Variants in RARB observed in about 807,000 individuals in gnomAD.
RARB encodes the protein retinoic acid receptor beta.
A neutral mutation model predicts 51.9 loss-of-function variants in RARB; 17 were observed. The observed-to-expected ratio is 0.33, with a 90% CI of 0.22 to 0.49. The LOEUF is 0.49. Among genes scored for constraint, RARB ranks in the 20% least tolerant of loss-of-function variants. The probability of loss-of-function intolerance (pLI) is 0.99; values close to 1 mark genes in which losing one functional copy is unlikely to be tolerated. For synonymous variants in RARB, 215 were observed against 195.4 expected (o/e 1.10, Z -0.84); for missense variants, 369 against 550.8 (o/e 0.67, Z 3.30).
chr3:24,937,813 G>A (rs552913188), intron 2 of RARB, among the ~76,000 whole-genome samples: 2 of 152,156 alleles, frequency 1.3e-5, no homozygotes, highest in East Asian at 3.9e-4. Context: ...AAAAAATGGG[G>A]CGACACTTTA....
At chr3:24,976,402 C>T (rs926688495) in intron 2 of RARB, among the ~76,000 whole-genome samples, 8 of 152,178 alleles carry the variant, frequency 5.3e-5, no homozygotes, top group Admixed American at 2.0e-4. Flanking sequence ...TAAAAGCATT[C>T]CTGTTTCTCC....
At chr3:25,212,969 A>G (rs1575225005) in intron 5 of RARB, among the ~76,000 whole-genome samples, 1 of 152,160 alleles carries the variant, frequency 6.6e-6, no homozygotes, top group South Asian at 2.1e-4. Flanking sequence ...GCGGCACGTA[A>G]TGTTCTCATA....
intron 5 of RARB, among the ~76,000 whole-genome samples, chr3:25,256,208 C>T (rs1702861411): frequency 6.6e-6 from 1 of 152,134 alleles, no homozygotes; most frequent in Non-Finnish European, 1.5e-5. Context: ...GTTATAGAAG[C>T]AGATGAACCA....
chr3:25,191,590 T>C (rs17578294), intron 5 of RARB, among the ~76,000 whole-genome samples: 13,738 of 152,166 alleles, frequency 0.09, 761 homozygotes, highest in Non-Finnish European at 0.13. Context: ...AAGATCCATA[T>C]TGAGCTTTTA....
intron 5 of RARB, among the ~76,000 whole-genome samples, chr3:25,332,449 G>C (rs1044626702): frequency 6.6e-6 from 1 of 152,200 alleles, no homozygotes; most frequent in Non-Finnish European, 1.5e-5. Flanking sequence ...AATAGATGCA[G>C]AAAAGGCCTT....
chr3:25,286,148 G>A (rs13076959), intron 5 of RARB, among the ~76,000 whole-genome samples: 1 of 133,698 alleles, frequency 7.5e-6, no homozygotes, highest in East Asian at 2.3e-4. Context: ...GAGTGCAGTG[G>A]CATGATCTCA....
chr3:25,596,010 G>A (rs965335639), intron 7 of RARB, among the ~76,000 whole-genome samples: 1 of 152,160 alleles, frequency 6.6e-6, no homozygotes, highest in Non-Finnish European at 1.5e-5. Flanking sequence ...GCCTCTGGGA[G>A]GCATTGTTTG....
intron 1 of RARB, among the ~76,000 whole-genome samples, chr3:25,435,092 T>C (rs894853718): frequency 1.3e-5 from 2 of 152,228 alleles, no homozygotes; most frequent in Non-Finnish European, 2.9e-5. Flanking sequence ...AATTCACAGA[T>C]TCTCCTCAGT....
intron 3 of RARB, among the ~76,000 whole-genome samples, chr3:25,099,659 C>T (rs1699362579): frequency 6.6e-6 from 1 of 151,260 alleles, no homozygotes; most frequent in Admixed American, 6.6e-5. Flanking sequence ...GTAGAAGATG[C>T]CCAAACATTT....
At chr3:25,542,117 T>C (rs1699408602) in intron 3 of RARB, among the ~76,000 whole-genome samples, 1 of 152,222 alleles carries the variant, frequency 6.6e-6, no homozygotes, top group Admixed American at 6.5e-5. Context: ...TTAGTAGTGA[T>C]CAGCTAATGC....
chr3:25,094,834 T>C (rs1699265486), intron 3 of RARB, among the ~76,000 whole-genome samples: 1 of 151,986 alleles, frequency 6.6e-6, no homozygotes, highest in Non-Finnish European at 1.5e-5. Flanking sequence ...GCCAAAGCTC[T>C]GGCCTTTCAC....
At chr3:24,973,323 C>T (rs1696442036) in intron 2 of RARB, among the ~76,000 whole-genome samples, 2 of 151,842 alleles carry the variant, frequency 1.3e-5, no homozygotes, top group South Asian at 4.2e-4. Flanking sequence ...TATTCTGTTC[C>T]ACTGATCTAC....
At chr3:24,855,397 A>G (rs1359894994) in intron 1 of RARB, among the ~76,000 whole-genome samples, 7 of 152,320 alleles carry the variant, frequency 4.6e-5, no homozygotes, top group Middle Eastern at 3.4e-3. Context: ...TGGAAAAGAA[A>G]TGAAAAATAA....
At chr3:24,905,260 A>G (rs181248378) in intron 2 of RARB, among the ~76,000 whole-genome samples, 2 of 152,310 alleles carry the variant, frequency 1.3e-5, no homozygotes, top group African/African-American at 2.4e-5. Flanking sequence ...GGTTTGTGAT[A>G]TGGTAGTTTC....
At chr3:25,155,713 A>G (rs995203754) in intron 4 of RARB, among the ~76,000 whole-genome samples, 1 of 152,158 alleles carries the variant, frequency 6.6e-6, no homozygotes, top group Non-Finnish European at 1.5e-5. Flanking sequence ...CAAAACAGCA[A>G]TAGGACTCTT....
intron 5 of RARB, among the ~76,000 whole-genome samples, chr3:25,241,962 C>T (rs1398539461): frequency 6.6e-6 from 1 of 152,216 alleles, no homozygotes; most frequent in East Asian, 1.9e-4. Flanking sequence ...TCCACATCCT[C>T]TCCAGCATCT....
intron 2 of RARB, among the ~76,000 whole-genome samples, chr3:24,999,832 C>T (rs991664518): frequency 5.3e-5 from 8 of 152,226 alleles, no homozygotes; most frequent in Middle Eastern, 3.4e-3. Flanking sequence ...ACTTCAGGGA[C>T]GTTTTCTCCA....
intron 3 of RARB, among the ~76,000 whole-genome samples, chr3:25,547,866 G>A (rs946095653): frequency 1.3e-5 from 2 of 152,120 alleles, no homozygotes; most frequent in Non-Finnish European, 2.9e-5. Flanking sequence ...AGAGATATGG[G>A]GGAAATAATG....
chr3:25,361,224 A>G (rs11924660), intron 5 of RARB, among the ~76,000 whole-genome samples: 4,523 of 152,202 alleles, frequency 0.03, 251 homozygotes, highest in African/African-American at 0.1. Context: ...TTATTTCATT[A>G]AGTTGATCTT....
Sources: allele counts gnomAD v4.1 joint callset (sites outside exome capture counted in the v4.1 genomes callset), GRCh38; gene constraint gnomAD v4.1.1; transcripts MANE v1.5; gene names NCBI Gene and HGNC (gene_info 2026-07-23, HGNC 2026-07-21).